The following FAM210A variants were observed in gnomAD, a reference collection of about 807,000 sequenced individuals.
The protein encoded by FAM210A is mitochondrial inner membrane scaffold 1, also known as family with sequence similarity 210 member A.
Under a neutral mutation model 25.3 loss-of-function variants are expected in FAM210A, and 13 were observed. The ratio of observed to expected loss-of-function variants is 0.51; its 90% CI spans 0.33 to 0.82. FAM210A has a LOEUF of 0.82. Ranked by LOEUF, FAM210A falls within the 40% of genes least tolerant of loss-of-function variation. The pLI, the probability that FAM210A is intolerant of heterozygous loss-of-function variation, is 0.02. For missense variants in FAM210A, 319 were observed against 323.2 expected, an observed-to-expected ratio of 0.99 and a Z score of 0.10; for synonymous variants, 125 against 118.7, an observed-to-expected ratio of 1.05 and a Z score of -0.35.
intron 1 of FAM210A, among the ~76,000 whole-genome samples, chr18:13,691,090 C>T (rs540963163): frequency 6.6e-6 from 1 of 152,064 alleles, no homozygotes; most frequent in East Asian, 1.9e-4. Flanking sequence ...AACCATAGCA[C>T]GAGAACTACG....
intron 1 of FAM210A, among the ~76,000 whole-genome samples, chr18:13,722,883 A>C (rs1257301890): frequency 6.7e-6 from 1 of 148,524 alleles, no homozygotes; most frequent in Non-Finnish European, 1.5e-5. Context: ...TCACTCTGTC[A>C]CTCAGGTTGG....
intron 1 of FAM210A, among the ~76,000 whole-genome samples, chr18:13,720,070 G>A (rs1240501106): frequency 1.3e-5 from 2 of 152,176 alleles, no homozygotes. Flanking sequence ...TGCATAACTT[G>A]GTGGCCCACG....
At chr18:13,673,766 T>G (rs2043465371) in intron 2 of FAM210A, among the ~76,000 whole-genome samples, 1 of 151,332 alleles carries the variant, frequency 6.6e-6, no homozygotes, top group Non-Finnish European at 1.5e-5. Flanking sequence ...TTAACATTCC[T>G]GAGCCCCGAC....
At chr18:13,712,284 G>A (rs1203836923) in intron 1 of FAM210A, among the ~76,000 whole-genome samples, 1 of 152,104 alleles carries the variant, frequency 6.6e-6, no homozygotes, top group East Asian at 1.9e-4. Context: ...CTATCATGCT[G>A]GCCTTAGACT....
At chr18:13,725,198 T>C (rs1000753315) in intron 1 of FAM210A, among the ~76,000 whole-genome samples, 3 of 152,242 alleles carry the variant, frequency 2.0e-5, no homozygotes, top group Non-Finnish European at 4.4e-5. Context: ...TTCTAATGCT[T>C]GTATATGCCT....
intron 1 of FAM210A, among the ~76,000 whole-genome samples, chr18:13,682,978 T>C (rs546159373): frequency 6.6e-6 from 1 of 152,310 alleles, no homozygotes; most frequent in African/African-American, 2.4e-5. Context: ...CCTCTTGTTC[T>C]ATAGAAGCAG....
At chr18:13,682,635 G>A (rs550648418) in intron 1 of FAM210A, among the ~76,000 whole-genome samples, 3 of 151,264 alleles carry the variant, frequency 2.0e-5, no homozygotes, top group South Asian at 2.1e-4. Context: ...TTGGGAGTCT[G>A]AGGCAGGCGG....
At chr18:13,692,236 T>C (rs1280400280) in intron 1 of FAM210A, among the ~76,000 whole-genome samples, 4 of 151,902 alleles carry the variant, frequency 2.6e-5, no homozygotes, top group African/African-American at 7.3e-5. Flanking sequence ...ACAGGAGCAC[T>C]CAGATTCATA....
At chr18:13,671,173 C>T (rs924034459) in intron 3 of FAM210A, among the ~76,000 whole-genome samples, 2 of 152,030 alleles carry the variant, frequency 1.3e-5, no homozygotes, top group Non-Finnish European at 2.9e-5. Flanking sequence ...GGGGGATCTC[C>T]TCTTTTGGCT....
chr18:13,689,328 C>T (rs2043623481), intron 1 of FAM210A, among the ~76,000 whole-genome samples: 1 of 152,172 alleles, frequency 6.6e-6, no homozygotes, highest in African/African-American at 2.4e-5. Context: ...ACCTCAGTCA[C>T]TCATTTTGGT....
intron 3 of FAM210A, among the ~76,000 whole-genome samples, chr18:13,669,786 C>T (rs568469864): frequency 6.6e-6 from 1 of 152,158 alleles, no homozygotes; most frequent in Admixed American, 6.5e-5. Context: ...CAGAGGATGA[C>T]TAAAACTCTG....
Position 13,681,730 on chromosome 18 carries a change from T to C in FAM210A, c.348A>G (p.Gln116=). The C allele has an allele frequency of 6.2e-7, 1 of 1,614,238 alleles. No individual in the cohort carries two copies. The highest frequency in any genetic ancestry group is 8.5e-7 in the Non-Finnish European group (1 of 1,180,038). Residue 116 remains glutamine, a synonymous_variant, in exon 2 of 4, where the codon CAA becomes CAG. Coordinates refer to ENST00000651643, the MANE Select transcript of FAM210A (RefSeq NM_152352.4). ...PEKKEEPDPL[Q]DKSISLYQRF... is the part of the protein sequence containing the mutation. ...GTTGATAAAGACTAATAGATTTGTC[T>C]TGCAAAGGATCAGGCTCTTCCTTTT...
At chr18:13,706,236 T>C (rs1311861768) in intron 1 of FAM210A, among the ~76,000 whole-genome samples, 1 of 152,058 alleles carries the variant, frequency 6.6e-6, no homozygotes, top group East Asian at 1.9e-4. Flanking sequence ...AAAGATGGCA[T>C]CCTTGATGTG....
chr18:13,684,912 T>A (rs1615908), intron 1 of FAM210A, among the ~76,000 whole-genome samples: 2 of 152,178 alleles, frequency 1.3e-5, no homozygotes, highest in Non-Finnish European at 2.9e-5. Flanking sequence ...AGCCGGGAAC[T>A]CCCCCCACTC....
chr18:13,701,791 T>C (rs1361969897), intron 1 of FAM210A, among the ~76,000 whole-genome samples: 3 of 152,260 alleles, frequency 2.0e-5, no homozygotes. Context: ...GCTTAGTTAT[T>C]ATCCAGATCC....
At chr18:13,688,889 G>A (rs1000605899) in intron 1 of FAM210A, among the ~76,000 whole-genome samples, 1 of 152,246 alleles carries the variant, frequency 6.6e-6, no homozygotes, top group Non-Finnish European at 1.5e-5. Context: ...GCTTTCTCCT[G>A]TGATGGGTGG....
At chr18:13,718,492 T>C (rs1317602676) in intron 1 of FAM210A, among the ~76,000 whole-genome samples, 1 of 151,988 alleles carries the variant, frequency 6.6e-6, no homozygotes, top group Non-Finnish European at 1.5e-5. Context: ...TAATAGTTCA[T>C]AACTTGTTCC....
At chr18:13,679,146 C>T (rs997193569) in intron 2 of FAM210A, among the ~76,000 whole-genome samples, 8 of 152,220 alleles carry the variant, frequency 5.3e-5, no homozygotes, top group African/African-American at 1.4e-4. Flanking sequence ...TTTTGCTCTA[C>T]GATGCCTAGA....
intron 1 of FAM210A, among the ~76,000 whole-genome samples, chr18:13,692,085 A>G (rs1274275728): frequency 6.6e-6 from 1 of 151,228 alleles, no homozygotes; most frequent in Non-Finnish European, 1.5e-5. Context: ...AAAACAAAAA[A>G]AAAGGCAGGG....
Sources: allele counts gnomAD v4.1 joint callset (sites outside exome capture counted in the v4.1 genomes callset), GRCh38; gene constraint gnomAD v4.1.1; transcripts MANE v1.5; gene names NCBI Gene and HGNC (gene_info 2026-07-23, HGNC 2026-07-21).